The following SLC2A13 variants were observed in gnomAD, a reference collection of about 807,000 sequenced individuals.
The protein encoded by SLC2A13 is proton myo-inositol cotransporter.
In SLC2A13, 32 loss-of-function variants were observed where a neutral mutation model predicts 64.4. The observed-to-expected ratio is 0.50, with a 90% CI of 0.37 to 0.67. The LOEUF is 0.67. Ranked by LOEUF, SLC2A13 falls within the 30% of genes least tolerant of loss-of-function variation. SLC2A13 has a pLI of 0.00. For missense variants in SLC2A13, 743 were observed against 829.2 expected (o/e 0.90, Z 1.28); for synonymous variants, 338 against 327.1 (o/e 1.03, Z -0.36).
chr12:39,821,671 G>A (rs1942514150), intron 7 of SLC2A13, among the ~76,000 whole-genome samples: 1 of 152,148 alleles, frequency 6.6e-6, no homozygotes, highest in Non-Finnish European at 1.5e-5. Flanking sequence ...TACCGAAGAG[G>A]GAAAAGAGGA....
intron 1 of SLC2A13, among the ~76,000 whole-genome samples, chr12:40,071,228 C>A (rs1937944317): frequency 6.6e-6 from 1 of 151,820 alleles, no homozygotes; most frequent in African/African-American, 2.4e-5. Flanking sequence ...TTTAGTTATT[C>A]TTCTTATTTT....
At chr12:39,982,502 C>T (rs1775816670) in intron 3 of SLC2A13, among the ~76,000 whole-genome samples, 1 of 151,556 alleles carries the variant, frequency 6.6e-6, no homozygotes, top group Non-Finnish European at 1.5e-5. Flanking sequence ...AATCAAAGTA[C>T]AAAAATCACA....
intron 1 of SLC2A13, among the ~76,000 whole-genome samples, chr12:40,062,120 T>C (rs956669807): frequency 2.6e-5 from 4 of 151,982 alleles, no homozygotes; most frequent in African/African-American, 7.2e-5. Flanking sequence ...AAAAATAAAA[T>C]TGAACCCCTA....
chr12:39,821,486 G>C (rs1942508847), intron 7 of SLC2A13, among the ~76,000 whole-genome samples: 1 of 152,072 alleles, frequency 6.6e-6, no homozygotes, highest in South Asian at 2.1e-4. Flanking sequence ...GAAGAGAATA[G>C]ATTATGTCAG....
chr12:39,965,062 A>G (rs772969161), intron 3 of SLC2A13, among the ~76,000 whole-genome samples: 1 of 152,242 alleles, frequency 6.6e-6, no homozygotes, highest in Non-Finnish European at 1.5e-5. Flanking sequence ...TACAAATGAC[A>G]AGATATAATA....
intron 1 of SLC2A13, among the ~76,000 whole-genome samples, chr12:40,054,793 C>T (rs1948310635): frequency 6.6e-6 from 1 of 152,164 alleles, no homozygotes; most frequent in Admixed American, 6.5e-5. Flanking sequence ...TAACCAAATA[C>T]CATTAGAAAA....
chr12:39,811,210 C>G (rs1000439268), intron 7 of SLC2A13, among the ~76,000 whole-genome samples: 1 of 151,974 alleles, frequency 6.6e-6, no homozygotes, highest in Admixed American at 6.6e-5. Context: ...TCTCCCTAAA[C>G]GAGTCCAGCT....
chr12:39,821,915 T>C (rs1261607102), intron 7 of SLC2A13, among the ~76,000 whole-genome samples: 23 of 152,108 alleles, frequency 1.5e-4, no homozygotes, highest in Admixed American at 1.4e-3. Context: ...GAAAAGAATA[T>C]TATTAATTTT....
chr12:39,968,716 C>A (rs1186906186), intron 3 of SLC2A13, among the ~76,000 whole-genome samples: 1 of 137,844 alleles, frequency 7.3e-6, no homozygotes, highest in Non-Finnish European at 1.6e-5. Context: ...ACACTTTACT[C>A]TCTAAGCCTG....
chr12:40,040,715 T>C (rs1383040431), intron 2 of SLC2A13, among the ~76,000 whole-genome samples: 2 of 152,176 alleles, frequency 1.3e-5, no homozygotes, highest in Non-Finnish European at 2.9e-5. Flanking sequence ...AATGAGACTG[T>C]TTGCCACCAA....
At chr12:39,840,404 A>G (rs1592192977) in intron 6 of SLC2A13, among the ~76,000 whole-genome samples, 2 of 151,966 alleles carry the variant, frequency 1.3e-5, no homozygotes, top group Non-Finnish European at 2.9e-5. Context: ...TTTAAATCCT[A>G]AAGAGCTTCC....
chr12:39,808,987 T>C (rs1383156798), intron 7 of SLC2A13, among the ~76,000 whole-genome samples: 4 of 152,160 alleles, frequency 2.6e-5, no homozygotes, highest in African/African-American at 9.7e-5. Flanking sequence ...TTGCTTACCC[T>C]GATGTCGCAA....
intron 6 of SLC2A13, among the ~76,000 whole-genome samples, chr12:39,862,704 G>A (rs193258597): frequency 6.6e-6 from 1 of 152,180 alleles, no homozygotes; most frequent in East Asian, 1.9e-4. Context: ...TATATAGATG[G>A]TTTTTATTCT....
chr12:39,787,355 T>G (rs1004107661), intron 7 of SLC2A13, among the ~76,000 whole-genome samples: 6 of 152,212 alleles, frequency 3.9e-5, no homozygotes, highest in African/African-American at 1.4e-4. Flanking sequence ...TAAAAATGCA[T>G]GCATTCTGCC....
At position 40,028,368 on chromosome 12, in the gene SLC2A13, C is replaced by G. The variant is rs2067912899; in HGVS notation, c.858G>C (p.Gln286His). ...TGCTATCATATTCCTCATCAATGGT[C>G]TGGTTACCACGCATCTGAGATAAAA... ...RRILSQMRGN[Q>H]TIDEEYDSIK... Residue 286 changes from glutamine to histidine, a missense_variant, in exon 3 of 10, where the codon CAG (glutamine) becomes CAC (histidine). By Grantham distance (24) the Gln-to-His change is conservative. Coordinates refer to ENST00000280871, the MANE Select transcript of SLC2A13 (RefSeq NM_052885.4). 1 of 1,614,030 alleles carries G rather than the reference C, an allele frequency of 6.2e-7. No individual in the cohort carries two copies.
At chr12:39,821,595 C>T (rs1942511912) in intron 7 of SLC2A13, among the ~76,000 whole-genome samples, 1 of 152,130 alleles carries the variant, frequency 6.6e-6, no homozygotes. Flanking sequence ...TGCTTCTGTT[C>T]CACATTTTCT....
chr12:40,046,238 G>A (rs1948169629), intron 2 of SLC2A13, among the ~76,000 whole-genome samples: 1 of 152,306 alleles, frequency 6.6e-6, no homozygotes, highest in African/African-American at 2.4e-5. Context: ...AAACAGATTT[G>A]AATCCAGGTC....
chr12:39,948,235 A>G (rs1946172505), intron 4 of SLC2A13, among the ~76,000 whole-genome samples: 2 of 152,178 alleles, frequency 1.3e-5, no homozygotes. Context: ...AATGTCTGAA[A>G]TATGTAAGTT....
intron 4 of SLC2A13, among the ~76,000 whole-genome samples, chr12:39,875,857 C>G (rs1944171115): frequency 6.6e-6 from 1 of 152,136 alleles, no homozygotes; most frequent in Non-Finnish European, 1.5e-5. Context: ...AATGGGCTAC[C>G]TACCACTGAG....
Sources: gnomAD v4.1 joint callset for allele counts (sites outside exome capture counted in the v4.1 genomes callset) on GRCh38, gnomAD v4.1.1 for gene constraint, MANE v1.5 for transcripts, NCBI Gene and HGNC (gene_info 2026-07-23, HGNC 2026-07-21) for gene names.